Variants in EPB41L4A observed in about 807,000 individuals in gnomAD.
EPB41L4A encodes the protein erythrocyte membrane protein band 4.1 like 4A.
A neutral mutation model predicts 108.6 loss-of-function variants in EPB41L4A; 100 were observed. That is an observed-to-expected ratio of 0.92 (90% CI 0.78 to 1.09). EPB41L4A has a LOEUF of 1.09. Ranked by LOEUF, EPB41L4A falls within the 50% of genes least tolerant of loss-of-function variation. EPB41L4A has a pLI of 0.00. For missense variants in EPB41L4A, 1,030 were observed against 842.7 expected, an observed-to-expected ratio of 1.22 and a Z score of -2.75; for synonymous variants, 319 against 289.0, an observed-to-expected ratio of 1.10 and a Z score of -1.05.
intron 11 of EPB41L4A, among the ~76,000 whole-genome samples, chr5:112,239,094 C>A (rs1749581115): frequency 1.3e-5 from 2 of 152,086 alleles, no homozygotes; most frequent in South Asian, 4.1e-4. Flanking sequence ...CCTTAGGGTC[C>A]TCATACATTA....
chr5:112,317,177 TTC>T (rs1755482058), intron 1 of EPB41L4A, among the ~76,000 whole-genome samples: 1 of 152,232 alleles, frequency 6.6e-6, no homozygotes, highest in Non-Finnish European at 1.5e-5. Flanking sequence ...CATCTTTTTT[TTC>T]TCTCTAAACT....
At chr5:112,341,800 A>G (rs1453134058) in intron 1 of EPB41L4A, among the ~76,000 whole-genome samples, 2 of 152,028 alleles carry the variant, frequency 1.3e-5, no homozygotes, top group East Asian at 3.9e-4. Context: ...CAAAAGTTGT[A>G]TTGTTCATCC....
intron 1 of EPB41L4A, 60 bp downstream of exon 1, chr5:112,418,881 G>C: frequency 7.2e-7 from 1 of 1,380,154 alleles, no homozygotes; most frequent in South Asian, 1.2e-5. Flanking sequence ...CCCTCAAAGC[G>C]ATGGACCCCC....
intron 18 of EPB41L4A, chr5:112,173,547 AGTGTTTT>A (rs1760708014): frequency 9.6e-6 from 1 of 104,256 alleles, no homozygotes; most frequent in South Asian, 4.8e-4. Context: ...AAAAAATAAG[AGTGTTTT>A]CATGTTTTTT....
chr5:112,237,325 A>G (rs1280426095), intron 11 of EPB41L4A, among the ~76,000 whole-genome samples: 1 of 152,168 alleles, frequency 6.6e-6, no homozygotes, highest in African/African-American at 2.4e-5. Context: ...CCATATCACT[A>G]AAAAAAGTCC....
chr5:112,303,832 C>T (rs1218042006), intron 2 of EPB41L4A, among the ~76,000 whole-genome samples: 10 of 152,006 alleles, frequency 6.6e-5, no homozygotes, highest in Non-Finnish European at 1.3e-4. Context: ...GAAGTTTACG[C>T]GTGATGCAGA....
intron 17 of EPB41L4A, among the ~76,000 whole-genome samples, 200 bp downstream of exon 17, chr5:112,194,368 T>C (rs1230477572): frequency 6.6e-6 from 1 of 152,122 alleles, no homozygotes; most frequent in Non-Finnish European, 1.5e-5. Flanking sequence ...CATTGTCAAG[T>C]TGTTTAATCA....
chr5:112,179,444 A>G (rs1479144709), intron 18 of EPB41L4A, among the ~76,000 whole-genome samples: 1 of 152,176 alleles, frequency 6.6e-6, no homozygotes, highest in African/African-American at 2.4e-5. Flanking sequence ...GGTAATGCCA[A>G]ATAGAATCCA....
chr5:112,392,438 T>A (rs538665958), intron 1 of EPB41L4A, among the ~76,000 whole-genome samples: 39 of 108,662 alleles, frequency 3.6e-4, no homozygotes, highest in South Asian at 6.8e-4. Context: ...GGGGTTGCAA[T>A]CCTAGTCTCT....
At chr5:112,415,929 G>A (rs1234250568) in intron 1 of EPB41L4A, among the ~76,000 whole-genome samples, 3 of 151,200 alleles carry the variant, frequency 2.0e-5, no homozygotes, top group Non-Finnish European at 4.4e-5. Context: ...AAATACCTCC[G>A]TAACATTAAC....
In EPB41L4A at chr5:112,419,275, A is replaced by C; in HGVS notation, c.-236T>G. On this transcript the variant is annotated 5_prime_UTR_variant, in exon 1 of 23. Transcript: ENST00000261486. ...GAGCCGCCGGGGAAGCGCCGGCGGA[A>C]CTGGGCGCGGAGGGCGGTGGCGCGT... is the stretch of plus-strand genomic sequence containing the variant. The C allele has an allele frequency of 2.6e-6, 1 of 381,918 alleles. No individual in the cohort carries two copies. Among genetic ancestry groups the C allele is most frequent in the Non-Finnish European group, 4.7e-6 (1 of 213,376 alleles). The allele number at this position is 381,918 out of a possible 1,614,324, so 23.7% of individuals were successfully genotyped here. A position where few individuals can be genotyped will look rare whatever the true frequency, so the allele number is the denominator to read the frequency against.
chr5:112,400,833 T>C (rs1761699582), intron 1 of EPB41L4A, among the ~76,000 whole-genome samples: 1 of 152,190 alleles, frequency 6.6e-6, no homozygotes, highest in Non-Finnish European at 1.5e-5. Flanking sequence ...TAACATTTAC[T>C]GAACACCACT....
At chr5:112,175,655 A>T (rs1760823049) in intron 18 of EPB41L4A, 1 of 151,774 alleles carries the variant, frequency 6.6e-6, no homozygotes, top group South Asian at 2.1e-4. Context: ...AATATACATA[A>T]ATATTTTTAT....
chr5:112,413,713 T>A (rs1456193789), intron 1 of EPB41L4A, among the ~76,000 whole-genome samples: 1 of 152,188 alleles, frequency 6.6e-6, no homozygotes, highest in Non-Finnish European at 1.5e-5. Context: ...ATGCTTCCGA[T>A]AAGTATGTGT....
chr5:112,355,693 CT>C (rs1430392990), intron 1 of EPB41L4A, among the ~76,000 whole-genome samples: 1 of 152,212 alleles, frequency 6.6e-6, no homozygotes, highest in Non-Finnish European at 1.5e-5. Context: ...GAGAATTCCA[CT>C]CCTTCACCTC....
chr5:112,183,973 A>G (rs2150235759), intron 18 of EPB41L4A, 43 bp downstream of exon 18: 1 of 1,611,224 alleles, frequency 6.2e-7, no homozygotes, highest in South Asian at 1.1e-5. Context: ...TGCTACTTCA[A>G]ATTCAGTGTT....
chr5:112,378,697 T>G (rs964381492), intron 1 of EPB41L4A, among the ~76,000 whole-genome samples: 1 of 152,184 alleles, frequency 6.6e-6, no homozygotes, highest in African/African-American at 2.4e-5. Flanking sequence ...TTTCCTGAAA[T>G]GCACTTAGAA....
chr5:112,357,247 G>A (rs1379914783), intron 1 of EPB41L4A, among the ~76,000 whole-genome samples: 2 of 152,178 alleles, frequency 1.3e-5, no homozygotes, highest in East Asian at 3.8e-4. Flanking sequence ...TTGCAACCAG[G>A]CTCTGGCAAA....
intron 9 of EPB41L4A, among the ~76,000 whole-genome samples, chr5:112,251,243 A>C (rs998634986): frequency 6.6e-6 from 1 of 152,206 alleles, no homozygotes; most frequent in African/African-American, 2.4e-5. Flanking sequence ...ACAAAACTAC[A>C]TAAGTACTTA....
Sources: gnomAD v4.1 joint callset for allele counts (sites outside exome capture counted in the v4.1 genomes callset) on GRCh38, gnomAD v4.1.1 for gene constraint, MANE v1.5 for transcripts, NCBI Gene and HGNC (gene_info 2026-07-23, HGNC 2026-07-21) for gene names.